The following NTMT1 variants were observed in gnomAD, a reference collection of about 807,000 sequenced individuals.
NTMT1 encodes N-terminal Xaa-Pro-Lys N-methyltransferase 1, also known as N-terminal RCC1 methyltransferase.
A neutral mutation model predicts 17.5 loss-of-function variants in NTMT1; 8 were observed. The ratio of observed to expected loss-of-function variants is 0.46; its 90% CI spans 0.27 to 0.82. NTMT1 has a LOEUF of 0.82. NTMT1 is among the 40% of genes least tolerant of loss of function. The pLI, the probability that NTMT1 is intolerant of heterozygous loss-of-function variation, is 0.15. For missense variants in NTMT1, 221 were observed against 303.5 expected, an observed-to-expected ratio of 0.73 and a Z score of 2.02; for synonymous variants, 128 against 126.8, an observed-to-expected ratio of 1.01 and a Z score of -0.06.
chr9:129,633,262 C>G (rs1588142102), intron 2 of NTMT1: 1 of 368,864 alleles, frequency 2.7e-6, no homozygotes, highest in Admixed American at 4.6e-5. Flanking sequence ...CACCCCCAGC[C>G]TTTTCTGTAC....
chr9:129,622,044 C>A (rs541276394), upstream of NTMT1, among the ~76,000 whole-genome samples: 2 of 152,336 alleles, frequency 1.3e-5, no homozygotes, highest in African/African-American at 2.4e-5. Context: ...GGCTATTGTG[C>A]CCTGGATGCC....
At chr9:129,616,041 T>C (rs944202279) in intron 1 of NTMT1, among the ~76,000 whole-genome samples, 1 of 151,784 alleles carries the variant, frequency 6.6e-6, no homozygotes, top group African/African-American at 2.4e-5. Flanking sequence ...AGCCCAGGAG[T>C]CATGCAGTCC....
chr9:129,610,843 C>A (rs1830099552), intron 1 of NTMT1, among the ~76,000 whole-genome samples: 1 of 152,042 alleles, frequency 6.6e-6, no homozygotes. Context: ...TAGAATCAGG[C>A]CTGCTGAGAC....
At chr9:129,626,333 C>G (rs1830893061) in intron 1 of NTMT1, 38 bp downstream of exon 1, 1 of 152,234 alleles carries the variant, frequency 6.6e-6, no homozygotes, top group African/African-American at 2.4e-5. Flanking sequence ...TAGGCAGCCG[C>G]TGGGAGAGGG....
upstream of NTMT1, among the ~76,000 whole-genome samples, chr9:129,625,338 T>TG (rs1044508384): frequency 7.9e-5 from 12 of 152,166 alleles, no homozygotes; most frequent in South Asian, 8.3e-4. Flanking sequence ...TTATTTATTT[T>TG]GGGGGGTCGG....
chr9:129,634,833 C>T (rs1466585881), intron 3 of NTMT1: 1 of 268,248 alleles, frequency 3.7e-6, no homozygotes, highest in African/African-American at 2.2e-5. Flanking sequence ...TTTGTGGGGA[C>T]TTCTAGTGTA....
chr9:129,635,645 G>A lies in NTMT1; in HGVS notation c.*181G>A, dbSNP rs1422513585. 2 of 754,424 alleles carry A rather than the reference G, an allele frequency of 2.7e-6. No homozygotes were observed. The highest frequency in any genetic ancestry group is 2.2e-6 in the Non-Finnish European group (1 of 464,888). The allele number at this position is 754,424 out of a possible 1,614,324, so 46.7% of individuals were successfully genotyped here. ...AAGGCAAGGTGGGACCCGGCGGGGA[G>A]GGTGCTGCTGAACCAGCGGTGAGGC... On this transcript the variant is annotated 3_prime_UTR_variant, in exon 4 of 4. Transcript: ENST00000372483.
chr9:129,630,239 G>A (rs960617615), intron 1 of NTMT1, among the ~76,000 whole-genome samples: 3 of 152,154 alleles, frequency 2.0e-5, no homozygotes, highest in Non-Finnish European at 4.4e-5. Context: ...TTGGGAGGCT[G>A]AGGCAGGTGG....
chr9:129,635,194 T>C lies in NTMT1; in HGVS notation c.416-14T>C, dbSNP rs1831463973. 1 of 1,600,800 alleles carries C rather than the reference T, an allele frequency of 6.2e-7. No individual in the cohort carries two copies. Among genetic ancestry groups the C allele is most frequent in the African/African-American group, 1.3e-5 (1 of 74,958 alleles). ...TGCATGGTGCCCTGGTAACCTTGCCTCTGCCCTCCCCAGGCCACCTCACCG... is the reference window on the plus strand; with the variant it reads ...TGCATGGTGCCCTGGTAACCTTGCCCCTGCCCTCCCCAGGCCACCTCACCG... On this transcript the variant is annotated splice_polypyrimidine_tract_variant and intron_variant, in intron 3 of 3. Coordinates refer to ENST00000372483, the MANE Select transcript of NTMT1 (RefSeq NM_014064.4).
rs367696943 is a variant in NTMT1 at position 129,611,897 on chromosome 9, C to G, written c.-55+2719C>G. On this transcript the variant is annotated intron_variant, in intron 1 of 3. Coordinates refer to the NTMT1 transcript ENST00000372486. ...CCTCCCAAGTACCTGGGGCTAGAGGCGTGGAGCACCACGCCCAGCTATTTT... is the reference window on the plus strand; with the variant it reads ...CCTCCCAAGTACCTGGGGCTAGAGGGGTGGAGCACCACGCCCAGCTATTTT... 3.3e-5 allele frequency among the ~76,000 whole-genome samples: 5 copies of G among 152,114 alleles called. No individual in the cohort carries two copies. The East Asian group carries it at 7.7e-4, about 24-fold the overall frequency.
rs373852172 is a variant in NTMT1 at position 129,615,064 on chromosome 9, G to A, written c.-55+5886G>A. 2.6e-5 allele frequency among the ~76,000 whole-genome samples: 4 copies of A among 152,218 alleles called. No homozygotes were observed. In the East Asian group the frequency reaches 7.7e-4, roughly 29 times the overall value. On this transcript the variant is annotated intron_variant, in intron 1 of 3. Transcript: ENST00000372486. ...GCGGCTTTTCTGGGCACCTCCTCAG[G>A]CAGGCTTCGAGGTCTGCCTTCATGG... is the stretch of plus-strand genomic sequence containing the variant.
intron 1 of NTMT1, chr9:129,619,853 G>A: frequency 6.2e-7 from 1 of 1,610,930 alleles, no homozygotes; most frequent in Non-Finnish European, 8.5e-7. Context: ...GGAAACAGTT[G>A]TGAGCCTTGG....
At chr9:129,630,199 G>C (rs1302733702) in intron 1 of NTMT1, among the ~76,000 whole-genome samples, 1 of 152,222 alleles carries the variant, frequency 6.6e-6, no homozygotes, top group Non-Finnish European at 1.5e-5. Context: ...TTGGCTGGGT[G>C]CAGTGGTTTC....
intron 2 of NTMT1, chr9:129,633,472 G>C (rs1055660011): frequency 1.2e-5 from 2 of 162,854 alleles, no homozygotes; most frequent in South Asian, 4.0e-4. Flanking sequence ...GGAGAGATTA[G>C]TGCACCTGTT....
rs532917252 is a variant in NTMT1, at chr9:129,631,023, C to T, written c.-54-1627C>T. ...CTCATCCAGGCCCCGTCTGCCTTTC[C>T]GAGCTCACCTTCCACAGTCTTCCCC... On this transcript the variant is annotated intron_variant, in intron 1 of 3. Transcript: ENST00000372483. 9.2e-5 allele frequency among the ~76,000 whole-genome samples: 14 copies of T among 152,302 alleles called. No individual in the cohort carries two copies. The East Asian group carries it at 2.1e-3, about 23-fold the overall frequency.
intron 1 of NTMT1, chr9:129,615,544 G>A (rs199839916): frequency 7.5e-6 from 12 of 1,610,346 alleles, no homozygotes; most frequent in East Asian, 2.2e-5. Flanking sequence ...TCAGCGAATC[G>A]CACCCGGAAA....
At chr9:129,632,552 G>A in intron 1 of NTMT1, 98 bp from the exon 2 acceptor site, 1 of 804,426 alleles carries the variant, frequency 1.2e-6, no homozygotes, top group Non-Finnish European at 2.0e-6. Context: ...TCAGCAGGAT[G>A]TGTGACTTGT....
intron 1 of NTMT1, chr9:129,619,447 GA>G (rs1336039625): frequency 2.8e-6 from 3 of 1,081,496 alleles, no homozygotes; most frequent in Admixed American, 2.1e-5. Flanking sequence ...ATTCATGGGC[GA>G]AAGAGGAAAG....
chr9:129,634,021 C>T (rs1305420849), intron 2 of NTMT1, 33 bp from the exon 3 acceptor site: 3 of 1,596,224 alleles, frequency 1.9e-6, no homozygotes, highest in African/African-American at 2.7e-5. Context: ...GTGACAGGGT[C>T]CCTCTGATAG....
Sources: gnomAD v4.1 joint callset for allele counts (sites outside exome capture counted in the v4.1 genomes callset) on GRCh38, gnomAD v4.1.1 for gene constraint, MANE v1.5 for transcripts, NCBI Gene and HGNC (gene_info 2026-07-23, HGNC 2026-07-21) for gene names.